The following MAP4K5 variants were observed in gnomAD, a reference collection of about 807,000 sequenced individuals.
MAP4K5 encodes mitogen-activated protein kinase kinase kinase kinase 5, also known as MAPK/ERK kinase kinase kinase 5.
A neutral mutation model predicts 135.6 loss-of-function variants in MAP4K5; 82 were observed. The observed-to-expected ratio is 0.60, with a 90% confidence interval of 0.51 to 0.73. The LOEUF (loss-of-function observed/expected upper bound fraction) is 0.73. Ranked by LOEUF, MAP4K5 falls within the 30% of genes least tolerant of loss-of-function variation. The probability of loss-of-function intolerance (pLI) is 0.00; values close to 1 mark genes in which losing one functional copy is unlikely to be tolerated. For synonymous variants in MAP4K5, 347 were observed against 335.0 expected, an observed-to-expected ratio of 1.04 and a Z score of -0.39; for missense variants, 907 against 1,010.9, an observed-to-expected ratio of 0.90 and a Z score of 1.39.
At chr14:50,513,566 T>C (rs1201188135) in intron 2 of MAP4K5, among the ~76,000 whole-genome samples, 1 of 105,076 alleles carries the variant, frequency 9.5e-6, no homozygotes, top group Non-Finnish European at 1.9e-5. Context: ...AGTTGAAAGA[T>C]AATTTTTTAT....
In MAP4K5 at chr14:50,495,792, G is replaced by GA. The variant is rs2037578941; in HGVS notation, c.166+9007dup. 1.3e-5 allele frequency among the ~76,000 whole-genome samples: 2 copies of GA among 152,196 alleles called. 1 individual carries two copies. The highest frequency in any genetic ancestry group is 4.1e-4 in the South Asian group (2 of 4,834). On this transcript the variant is annotated intron_variant, in intron 3 of 32. Transcript: ENST00000682126. ...GAACCTTGAGAACATTATGCTAAGT[G>GA]AAACAGCCTAGTCAGAAAAGGACAA... is the stretch of plus-strand genomic sequence containing the variant.
At chr14:50,554,600 G>A (rs74050949) in intron 1 of MAP4K5, among the ~76,000 whole-genome samples, 3,794 of 152,322 alleles carry the variant, frequency 0.025, 99 homozygotes, top group East Asian at 0.064. Context: ...CACTGGAGGA[G>A]CAGGTGTCCC....
In MAP4K5 at chr14:50,439,383, CTAA is replaced by C. The variant is rs1007861373; in HGVS notation, c.1705+627_1705+629del. 5.4e-5 allele frequency among the ~76,000 whole-genome samples: 8 copies of C among 149,072 alleles called. No homozygotes were observed. The East Asian group carries it at 7.8e-4, about 14-fold the overall frequency. On this transcript the variant is annotated intron_variant, in intron 23 of 32. Coordinates refer to ENST00000682126, the MANE Select transcript of MAP4K5 (RefSeq NM_006575.6). ...ACACCACCTACCCACCCGTTCACCC[CTAA>C]TAATAACCAAGAAAGAATAAAATGA... is the stretch of plus-strand genomic sequence containing the variant.
intron 2 of MAP4K5, among the ~76,000 whole-genome samples, chr14:50,527,845 TAAATAA>T (rs10568593): frequency 0.97 from 144,689 of 149,194 alleles, 70,287 homozygotes; most frequent in Non-Finnish European, 1. Flanking sequence ...AATAAATAAA[TAAATAA>T]AAATAAAAAT....
At chr14:50,492,812 T>A (rs2037512855) in intron 3 of MAP4K5, among the ~76,000 whole-genome samples, 1 of 152,120 alleles carries the variant, frequency 6.6e-6, no homozygotes, top group Non-Finnish European at 1.5e-5. Context: ...AATTGTTTTA[T>A]TCCATATTAT....
rs77274744 is a variant in MAP4K5 at position 50,460,603 on chromosome 14, G to A, written c.936+2062C>T. 2.7e-3 allele frequency among the ~76,000 whole-genome samples: 410 copies of A among 152,286 alleles called. 1 individual carries two copies. Among genetic ancestry groups the A allele is most frequent in the African/African-American group, 9.1e-3 (379 of 41,572 alleles). ...TCCCAAGTTGCAAACAGTGGTTCAAGTAGAAAACAATTTTGTTTGGCTGGT... is the reference window on the plus strand; with the variant it reads ...TCCCAAGTTGCAAACAGTGGTTCAAATAGAAAACAATTTTGTTTGGCTGGT... On this transcript the variant is annotated intron_variant, in intron 13 of 32. Coordinates refer to ENST00000682126, the MANE Select transcript of MAP4K5 (RefSeq NM_006575.6).
intron 3 of MAP4K5, among the ~76,000 whole-genome samples, chr14:50,504,340 A>C (rs78799574): frequency 0.014 from 2,174 of 152,212 alleles, 42 homozygotes; most frequent in African/African-American, 0.05. Context: ...AAACTATTCA[A>C]TGTGTTTTGA....
chr14:50,439,346 A>T (rs1374703754), intron 23 of MAP4K5, among the ~76,000 whole-genome samples: 1 of 150,518 alleles, frequency 6.6e-6, no homozygotes, highest in Non-Finnish European at 1.5e-5. Context: ...AAAAAAAAAA[A>T]AAAAGCCTAA....
chr14:50,508,218 C>T (rs963060432), intron 2 of MAP4K5, among the ~76,000 whole-genome samples: 3 of 152,060 alleles, frequency 2.0e-5, no homozygotes, highest in African/African-American at 7.2e-5. Context: ...TCCTCCATCC[C>T]TCCATTCCAA....
At chr14:50,451,029 G>C in intron 14 of MAP4K5, among the ~76,000 whole-genome samples, 1 of 152,152 alleles carries the variant, frequency 6.6e-6, no homozygotes, top group East Asian at 1.9e-4. Flanking sequence ...AAGGATTTAA[G>C]AGAAAAGATA....
In MAP4K5 at chr14:50,437,607, T is replaced by C. The variant is rs975924743; in HGVS notation, c.1824-73A>G. The C allele has an allele frequency of 8.6e-6, 9 of 1,044,690 alleles. No homozygotes were observed. In the Admixed American group the frequency reaches 1.6e-4, roughly 19 times the overall value. 64.7% of individuals were successfully genotyped at this position (1,044,690 alleles called of 1,614,324 possible). Reference sequence around the variant, plus strand: ...CACAATGATTTGTAAATCAGTTGCATCAGAATCAGACAGAAAGGAGCTTAA... The same window carrying C: ...CACAATGATTTGTAAATCAGTTGCACCAGAATCAGACAGAAAGGAGCTTAA... On this transcript the variant is annotated intron_variant, in intron 25 of 32. Transcript: ENST00000682126.
At chr14:50,449,109 C>A (rs956812024) in intron 14 of MAP4K5, 13 of 333,362 alleles carry the variant, frequency 3.9e-5, no homozygotes, top group Admixed American at 5.2e-5. Context: ...AAAAATTCAT[C>A]AAAAATAAAT....
chr14:50,494,194 A>T (rs1287873058), intron 3 of MAP4K5, among the ~76,000 whole-genome samples: 1 of 151,572 alleles, frequency 6.6e-6, no homozygotes, highest in Non-Finnish European at 1.5e-5. Flanking sequence ...TTTGAGACAG[A>T]GTCTCGCCTG....
upstream of MAP4K5, among the ~76,000 whole-genome samples, chr14:50,537,127 C>T (rs1446871326): frequency 6.6e-6 from 1 of 152,176 alleles, no homozygotes; most frequent in African/African-American, 2.4e-5. Flanking sequence ...TGGCTAGGCC[C>T]AGGGTCCCTG....
chr14:50,429,081 T>G (rs768445905), intron 29 of MAP4K5, 111 bp downstream of exon 29: 3 of 689,020 alleles, frequency 4.4e-6, no homozygotes, highest in Non-Finnish European at 7.1e-6. Context: ...TTACACATGA[T>G]AAGTAACATT....
rs2062896085 is a variant in MAP4K5, at chr14:50,434,989, C to G, written c.1959G>C (p.Glu653Asp). The change falls in exon 27 of 33, where the codon GAG becomes GAC. Residue 653 changes from glutamate (E) to aspartate (D), a missense_variant. By Grantham distance (45) the Glu-to-Asp change is conservative. Around this residue, in one of 3 missense-constraint regions of MAP4K5, gnomAD observed 690 missense variants for 777.4 expected, o/e 0.89. Transcript: ENST00000682126. ...TTATCAACATGAATTTCTGCATTGG[C>G]TCATACCACTGAAGTAAAACAATTC... ...QSGIVLLQWY[E>D]PMQKFMLIKH... is the part of the protein sequence containing the mutation. 1.9e-6 allele frequency: 3 copies of G among 1,609,128 alleles called. No homozygotes were observed. Among genetic ancestry groups the G allele is most frequent in the African/African-American group, 1.3e-5 (1 of 74,814 alleles).
chr14:50,456,440 T>C, intron 14 of MAP4K5, 76 bp downstream of exon 14: 2 of 1,092,752 alleles, frequency 1.8e-6, no homozygotes. Flanking sequence ...GAAATTTTAT[T>C]ATTCTACAAA....
At chr14:50,497,329 T>C (rs1404674656) in intron 3 of MAP4K5, among the ~76,000 whole-genome samples, 10 of 152,226 alleles carry the variant, frequency 6.6e-5, no homozygotes. Flanking sequence ...TAAAATGACA[T>C]TTGGGGCATG....
intron 28 of MAP4K5, among the ~76,000 whole-genome samples, chr14:50,434,167 G>A (rs1196859066): frequency 5.3e-5 from 8 of 152,146 alleles, no homozygotes; most frequent in African/African-American, 1.7e-4. Context: ...ACTTTTCACT[G>A]TCAGGAATCA....
Sources: allele counts gnomAD v4.1 joint callset (sites outside exome capture counted in the v4.1 genomes callset), GRCh38; gene constraint gnomAD v4.1.1; regional missense constraint gnomAD v4.1.1; transcripts MANE v1.5; gene names NCBI Gene and HGNC (gene_info 2026-07-23, HGNC 2026-07-21).